The following PIAS4 variants were observed in gnomAD, a reference collection of about 807,000 sequenced individuals.
PIAS4 encodes the protein protein inhibitor of activated STAT 4.
A neutral mutation model predicts 58.0 loss-of-function variants in PIAS4; 7 were observed. That is an observed-to-expected ratio of 0.12 (90% CI 0.07 to 0.23). The LOEUF is 0.23. Among genes scored for constraint, PIAS4 ranks in the 10% least tolerant of loss-of-function variants. The pLI, the probability that PIAS4 is intolerant of heterozygous loss-of-function variation, is 1.00. For missense variants in PIAS4, 550 were observed against 709.5 expected, an observed-to-expected ratio of 0.78 and a Z score of 2.55; for synonymous variants, 364 against 312.4, an observed-to-expected ratio of 1.17 and a Z score of -1.74.
At chr19:4,025,068 T>C (rs950723125) in intron 3 of PIAS4, among the ~76,000 whole-genome samples, 9 of 152,178 alleles carry the variant, frequency 5.9e-5, no homozygotes, top group African/African-American at 1.7e-4. Context: ...CTGGCGGAAG[T>C]CAGGTTTTTT....
At chr19:4,017,264 C>T (rs2040061331) in intron 2 of PIAS4, among the ~76,000 whole-genome samples, 1 of 152,146 alleles carries the variant, frequency 6.6e-6, no homozygotes, top group South Asian at 2.1e-4. Context: ...CAGCCACCCC[C>T]ATGTCCCGCT....
chr19:4,023,972 A>C, intron 2 of PIAS4, 64 bp from the exon 3 acceptor site: 2 of 1,119,228 alleles, frequency 1.8e-6, no homozygotes, highest in Middle Eastern at 3.9e-4. Flanking sequence ...GGCTGGGAAA[A>C]GCGACTGGGC....
rs1306457446 is a variant in PIAS4, at chr19:4,037,052, G to A, written c.1143-322G>A. Among the ~76,000 whole-genome samples, 1 of 151,700 alleles carries A rather than the reference G, an allele frequency of 6.6e-6. No individual in the cohort carries two copies. The highest frequency in any genetic ancestry group is 1.5e-5 in the Non-Finnish European group (1 of 68,034). On this transcript the variant is annotated intron_variant, in intron 9 of 10. Transcript: ENST00000262971. This position sits in a 1 kb window ranked among gnomAD's most constrained non-coding sequence, Gnocchi z 5.8. ...ATGCGTGCACACCCGGAGGTGCCCA[G>A]AGGGGCAGGGTGGGGAGGACCCCTG...
intron 4 of PIAS4, 101 bp from the exon 5 acceptor site, chr19:4,028,409 C>A (rs1417400274): frequency 3.3e-6 from 3 of 906,552 alleles, no homozygotes; most frequent in Non-Finnish European, 5.2e-6. Flanking sequence ...TTCTCCGGTG[C>A]CCCCATCACT....
intron 7 of PIAS4, among the ~76,000 whole-genome samples, chr19:4,032,469 T>C (rs1158737253): frequency 6.6e-6 from 1 of 152,230 alleles, no homozygotes; most frequent in African/African-American, 2.4e-5. Flanking sequence ...TGCGTGAGTT[T>C]CCTTCTGGCT....
chr19:4,012,839 C>A, intron 1 of PIAS4, 84 bp from the exon 2 acceptor site: 1 of 1,424,082 alleles, frequency 7.0e-7, no homozygotes, highest in Non-Finnish European at 9.5e-7. Flanking sequence ...TCTTTCACGG[C>A]CCCCACATCG....
At chr19:4,032,779 C>A (rs551844792) in intron 7 of PIAS4, among the ~76,000 whole-genome samples, 1 of 152,196 alleles carries the variant, frequency 6.6e-6, no homozygotes, top group African/African-American at 2.4e-5. Flanking sequence ...ATGACTCTTT[C>A]GGTGGCTGTG....
At chr19:4,035,005 G>A (rs1299675175) in intron 9 of PIAS4, among the ~76,000 whole-genome samples, 6 of 152,186 alleles carry the variant, frequency 3.9e-5, no homozygotes, top group Non-Finnish European at 7.3e-5. Context: ...CCGTTGCTGT[G>A]TGTGTCTTGG....
At chr19:4,027,013 G>GT (rs2144927450) in intron 3 of PIAS4, among the ~76,000 whole-genome samples, 1 of 35,854 alleles carries the variant, frequency 2.8e-5, no homozygotes, top group African/African-American at 5.3e-5. Flanking sequence ...ACGCCTGGCT[G>GT]ATTTTTTTTT....
At chr19:4,025,313 G>A (rs553342144) in intron 3 of PIAS4, among the ~76,000 whole-genome samples, 48 of 152,328 alleles carry the variant, frequency 3.2e-4, no homozygotes, top group South Asian at 1.0e-3. Flanking sequence ...ACTGTGGCAG[G>A]TGAGGGGCCA....
rs1369579209 is a variant in PIAS4, at chr19:4,036,684, CATCCATATAGTCCACACCATCAT to C, written c.1143-688_1143-666del. ...CATCTATACAGTCCACACCGTCACA[CATCCATATAGTCCACACCATCAT>C]ACACACACACATCTCTACAGTCCAC... On this transcript the variant is annotated intron_variant, in intron 9 of 10. Transcript: ENST00000262971. Among the ~76,000 whole-genome samples, 159 of 141,706 alleles carry C rather than the reference CATCCATATAGTCCACACCATCAT, an allele frequency of 1.1e-3. 20 individuals carry two copies. The highest frequency in any genetic ancestry group is 4.8e-3 in the African/African-American group (152 of 31,864). The allele number at this position is 141,706 out of a possible 152,430, so 93.0% of individuals were successfully genotyped here. A position where few individuals can be genotyped will look rare whatever the true frequency, so the allele number is the denominator to read the frequency against.
In PIAS4 at chr19:4,013,945, C is replaced by T. The variant is rs899641469; in HGVS notation, c.454+596C>T. ...TCCGTTGCTCACACAGACTCTGTGGCGCATGCAGGGACCACACCAGGCTGT... is the reference window on the plus strand; with the variant it reads ...TCCGTTGCTCACACAGACTCTGTGGTGCATGCAGGGACCACACCAGGCTGT... On this transcript the variant is annotated intron_variant, in intron 2 of 10. Coordinates refer to ENST00000262971, the MANE Select transcript of PIAS4 (RefSeq NM_015897.4). This position sits in a 1 kb window ranked among gnomAD's most constrained non-coding sequence, Gnocchi z 5.1. 3.8e-4 allele frequency among the ~76,000 whole-genome samples: 58 copies of T among 152,266 alleles called. No individual in the cohort carries two copies. The highest frequency in any genetic ancestry group is 1.2e-3 in the African/African-American group (49 of 41,560).
intron 1 of PIAS4, among the ~76,000 whole-genome samples, chr19:4,011,618 A>C (rs981124108): frequency 1.3e-5 from 2 of 151,798 alleles, no homozygotes; most frequent in African/African-American, 4.9e-5. Context: ...CCAGGGACTC[A>C]GGGCAACGTG....
intron 7 of PIAS4, among the ~76,000 whole-genome samples, chr19:4,032,444 G>A (rs555388563): frequency 6.6e-6 from 1 of 152,334 alleles, no homozygotes; most frequent in East Asian, 1.9e-4. Flanking sequence ...GCCTCAGGAG[G>A]GCAGCCAGGG....
Position 4,038,070 on chromosome 19 carries a change from C to A in PIAS4, c.*195C>A. ...GGGATTAAAAAAAAAAGTAAAATGA[C>A]AAAAAAAGATACAAAAAAGAAAAAT... On this transcript the variant is annotated 3_prime_UTR_variant, in exon 11 of 11. Coordinates refer to ENST00000262971, the MANE Select transcript of PIAS4 (RefSeq NM_015897.4). This position sits in a 1 kb window ranked among gnomAD's most constrained non-coding sequence, Gnocchi z 4.1. 112 of 537,370 alleles carry A rather than the reference C, an allele frequency of 2.1e-4. No homozygotes were observed. The highest frequency in any genetic ancestry group is 6.6e-4 in the South Asian group (22 of 33,512). 33.3% of individuals were successfully genotyped at this position (537,370 alleles called of 1,614,324 possible). A position where few individuals can be genotyped will look rare whatever the true frequency, so the allele number is the denominator to read the frequency against.
At chr19:4,030,819 A>G (rs1337837429) in intron 7 of PIAS4, among the ~76,000 whole-genome samples, 5 of 152,004 alleles carry the variant, frequency 3.3e-5, no homozygotes, top group Non-Finnish European at 7.4e-5. Flanking sequence ...ATCTCTCTGG[A>G]CCCCACATGC....
intron 9 of PIAS4, among the ~76,000 whole-genome samples, chr19:4,035,300 C>T (rs77379038): frequency 0.053 from 8,119 of 152,166 alleles, 720 homozygotes; most frequent in African/African-American, 0.18. Flanking sequence ...CCAGCCTGGG[C>T]CCTGCATGGA....
At chr19:4,015,820 G>A (rs530013715) in intron 2 of PIAS4, among the ~76,000 whole-genome samples, 1 of 152,356 alleles carries the variant, frequency 6.6e-6, no homozygotes, top group Non-Finnish European at 1.5e-5. Flanking sequence ...CCCCGGAATA[G>A]CCGCCGGCCG....
intron 1 of PIAS4, among the ~76,000 whole-genome samples, chr19:4,011,719 G>C (rs112873944): frequency 2.3e-3 from 139 of 60,406 alleles, no homozygotes; most frequent in African/African-American, 7.0e-3. Context: ...GGGTGTGGAG[G>C]TGTGTGGGGT....
Sources: gnomAD v4.1 joint callset for allele counts (sites outside exome capture counted in the v4.1 genomes callset) on GRCh38, gnomAD v4.1.1 for gene constraint, Gnocchi (gnomAD v3.1) non-coding constraint, MANE v1.5 for transcripts, NCBI Gene and HGNC (gene_info 2026-07-23, HGNC 2026-07-21) for gene names.